The following KCNMA1 variants were observed in gnomAD, a reference collection of about 807,000 sequenced individuals.
KCNMA1 encodes Calcium-activated potassium channel subunit alpha-1.
A neutral mutation model predicts 140.0 loss-of-function variants in KCNMA1; 29 were observed. That is an observed-to-expected ratio of 0.21 (90% CI 0.15 to 0.28). The LOEUF (loss-of-function observed/expected upper bound fraction) is 0.28. Ranked by LOEUF, KCNMA1 falls within the 10% of genes least tolerant of loss-of-function variation. The pLI, the probability that KCNMA1 is intolerant of heterozygous loss-of-function variation, is 1.00. For missense variants in KCNMA1, 880 were observed against 1,602.2 expected (o/e 0.55, Z 7.70); for synonymous variants, 612 against 611.9 (o/e 1.00, Z 0.00).
Position 77,461,716 on chromosome 10 carries a change from T to G in KCNMA1, c.379-57693A>C, listed in dbSNP as rs117587084. The stretch of plus-strand genomic sequence containing the variant: ...TAGACAGGTCTGGCTCACTTCTGAG[T>G]CTGTCACATATCCAGCATGGGCCCA... On this transcript the variant is annotated intron_variant, in intron 1 of 27. Transcript: ENST00000286628. Among the ~76,000 whole-genome samples the G allele has an allele frequency of 7.0e-4, 107 of 152,200 alleles. 2 individuals are homozygous for G. The East Asian group carries it at 0.018, about 26-fold the overall frequency.
chr10:77,190,626 A>G (rs1476038588), intron 3 of KCNMA1, among the ~76,000 whole-genome samples: 1 of 152,150 alleles, frequency 6.6e-6, no homozygotes, highest in Non-Finnish European at 1.5e-5. Flanking sequence ...CCTAGAAAAT[A>G]ACTGATGTGT....
At chr10:76,894,429 CTT>C (rs2041609554) in intron 25 of KCNMA1, among the ~76,000 whole-genome samples, 1 of 152,110 alleles carries the variant, frequency 6.6e-6, no homozygotes, top group Admixed American at 6.5e-5. Context: ...GCAATAGTTT[CTT>C]GGACATGACA....
intron 24 of KCNMA1, chr10:76,910,369 G>T (rs2049659214): frequency 2.3e-6 from 1 of 432,196 alleles, no homozygotes; most frequent in African/African-American, 2.0e-5. Context: ...GACTGTGCTG[G>T]CCAGTCCTTT....
chr10:76,910,270 G>C (rs1473724298), intron 24 of KCNMA1, 174 bp from the exon 25 acceptor site: 1 of 666,528 alleles, frequency 1.5e-6, no homozygotes, highest in South Asian at 1.6e-5. Context: ...TCAATGGACT[G>C]TTCCTGTGTC....
rs773658173 is a variant in KCNMA1, at chr10:76,887,521, C to G, written c.3462-6G>C. On this transcript the variant is annotated splice_polypyrimidine_tract_variant and splice_region_variant and intron_variant, in intron 27 of 27. Transcript: ENST00000286628. ...GCGGGTTGGTGATGACATACCTGGA[C>G]AGGGAAAGCAGAGATGTCACCTCCT... 4 of 1,614,124 alleles carry G rather than the reference C, an allele frequency of 2.5e-6. No individual in the cohort carries two copies. The South Asian group carries it at 3.3e-5, about 13-fold the overall frequency.
chr10:77,079,640 C>T (rs2096511662), intron 12 of KCNMA1, 90 bp from the exon 13 acceptor site: 2 of 893,280 alleles, frequency 2.2e-6, no homozygotes, highest in Non-Finnish European at 3.8e-6. Flanking sequence ...AAATGGGGTA[C>T]CCATGGGACT....
chr10:77,186,505 T>C (rs2098854526), intron 3 of KCNMA1, among the ~76,000 whole-genome samples: 1 of 152,082 alleles, frequency 6.6e-6, no homozygotes, highest in Non-Finnish European at 1.5e-5. Context: ...CAGCCTGCCA[T>C]GGCTCTAGGC....
intron 1 of KCNMA1, among the ~76,000 whole-genome samples, chr10:77,474,780 C>G (rs544463579): frequency 6.6e-6 from 1 of 152,232 alleles, no homozygotes; most frequent in African/African-American, 2.4e-5. Flanking sequence ...TTGGCCTGGC[C>G]GGGAGAGCTG....
intron 2 of KCNMA1, among the ~76,000 whole-genome samples, chr10:77,281,767 C>T (rs2068681121): frequency 6.6e-6 from 1 of 152,152 alleles, no homozygotes; most frequent in Non-Finnish European, 1.5e-5. Context: ...CATTATGCTG[C>T]ATACAAAAAA....
chr10:77,421,496 T>C (rs35795), intron 1 of KCNMA1, among the ~76,000 whole-genome samples: 56,112 of 152,098 alleles, frequency 0.37, 11,349 homozygotes, highest in African/African-American at 0.53. Flanking sequence ...CTTTAGCATA[T>C]GGTCTCTGTT....
At position 77,352,187 on chromosome 10, in the gene KCNMA1, T is replaced by C. The variant is rs374332209; in HGVS notation, c.540+51675A>G. ...CAAAATACACATTGACGGTTCTCTA[T>C]AGAATGAAAAATATCCTACTTTCAT... On this transcript the variant is annotated intron_variant, in intron 2 of 27. Coordinates refer to ENST00000286628, the MANE Select transcript of KCNMA1 (RefSeq NM_001161352.2). 1.8e-4 allele frequency among the ~76,000 whole-genome samples: 27 copies of C among 152,368 alleles called. No homozygotes were observed. In the East Asian group the frequency reaches 3.3e-3, roughly 18 times the overall value.
At chr10:77,391,019 A>G (rs539466277) in intron 2 of KCNMA1, among the ~76,000 whole-genome samples, 2 of 152,302 alleles carry the variant, frequency 1.3e-5, no homozygotes, top group East Asian at 3.9e-4. Flanking sequence ...AGGGAGGATT[A>G]AAAAGAAAAA....
At position 77,082,002 on chromosome 10, in the gene KCNMA1, CTTTTCTTTTTTTTTTTTTTTTT is replaced by C. The variant is rs1216746706; in HGVS notation, c.1524-2474_1524-2453del. ...CCTTTGACCAGTAATTTCTTTTTTTCTTTTCTTTTTTTTTTTTTTTTTTTTTTTTTTTTTTTTTTTAAGACGG... is the reference window on the plus strand; with the variant it reads ...CCTTTGACCAGTAATTTCTTTTTTTCTTTTTTTTTTTTTTTTTTAAGACGG... On this transcript the variant is annotated intron_variant, in intron 12 of 27. Coordinates refer to ENST00000286628, the MANE Select transcript of KCNMA1 (RefSeq NM_001161352.2). 7.4e-3 allele frequency among the ~76,000 whole-genome samples: 380 copies of C among 51,698 alleles called. 7 individuals carry two copies. The highest frequency in any genetic ancestry group is 0.067 in the Admixed American group (285 of 4,238). The allele number at this position is 51,698 out of a possible 152,430, so 33.9% of individuals were successfully genotyped here.
At chr10:77,501,771 T>A (rs2043991783) in intron 1 of KCNMA1, among the ~76,000 whole-genome samples, 2 of 152,144 alleles carry the variant, frequency 1.3e-5, no homozygotes, top group South Asian at 4.2e-4. Flanking sequence ...CATGGTGGGG[T>A]GGGAGCAGGG....
At chr10:77,273,705 G>C (rs1025374865) in intron 2 of KCNMA1, among the ~76,000 whole-genome samples, 2 of 152,158 alleles carry the variant, frequency 1.3e-5, no homozygotes, top group African/African-American at 4.8e-5. Flanking sequence ...AGGACCTGGT[G>C]GAAGTGTAAT....
chr10:77,167,110 C>G (rs958113998), intron 5 of KCNMA1, among the ~76,000 whole-genome samples: 1 of 152,124 alleles, frequency 6.6e-6, no homozygotes, highest in Non-Finnish European at 1.5e-5. Flanking sequence ...TAATCAACCT[C>G]TCTTCATCCT....
chr10:77,592,686 T>C (rs1209525752), intron 1 of KCNMA1, among the ~76,000 whole-genome samples: 2 of 152,234 alleles, frequency 1.3e-5, no homozygotes, highest in African/African-American at 2.4e-5. Flanking sequence ...GCACTGTGAA[T>C]GACATGAGGC....
intron 20 of KCNMA1, among the ~76,000 whole-genome samples, chr10:76,968,316 A>C (rs554151805): frequency 6.6e-6 from 1 of 152,280 alleles, no homozygotes; most frequent in South Asian, 2.1e-4. Context: ...CAACAGAATA[A>C]AGAAGTACCC....
intron 3 of KCNMA1, among the ~76,000 whole-genome samples, chr10:77,185,779 A>T (rs1326337747): frequency 6.6e-6 from 1 of 152,128 alleles, no homozygotes; most frequent in Non-Finnish European, 1.5e-5. Flanking sequence ...GTGTGTGGAA[A>T]GTCCCAAGGT....
Sources: gnomAD v4.1 joint callset for allele counts (sites outside exome capture counted in the v4.1 genomes callset) on GRCh38, gnomAD v4.1.1 for gene constraint, MANE v1.5 for transcripts, NCBI Gene and HGNC (gene_info 2026-07-23, HGNC 2026-07-21) for gene names.